The following ZNF292 variants were observed in gnomAD, a reference collection of about 807,000 sequenced individuals.
ZNF292 encodes zinc finger protein 292.
ZNF292 carries 26 observed loss-of-function variants against 217.9 expected under a neutral mutation model. That is an observed-to-expected ratio of 0.12 (90% CI 0.09 to 0.17). The LOEUF (loss-of-function observed/expected upper bound fraction) is 0.17, where lower values mean the gene tolerates loss of function less well. Among genes scored for constraint, ZNF292 ranks in the 10% least tolerant of loss-of-function variants. The pLI is 1.00. For synonymous variants in ZNF292, 1,257 were observed against 1,124.1 expected (o/e 1.12, Z -2.37); for missense variants, 2,904 against 3,175.2 (o/e 0.91, Z 2.05).
intron 1 of ZNF292, among the ~76,000 whole-genome samples, chr6:87,177,796 G>C (rs1771350257): frequency 6.6e-6 from 1 of 152,138 alleles, no homozygotes; most frequent in African/African-American, 2.4e-5. Context: ...ATTAAATGAG[G>C]CATCAGTACA....
At position 87,259,419 on chromosome 6, in the gene ZNF292, T is replaced by A. The variant is rs766810541; in HGVS notation, c.5790T>A (p.Thr1930=). The A allele has an allele frequency of 1.2e-6, 2 of 1,601,116 alleles. No individual in the cohort carries two copies. Among genetic ancestry groups the A allele is most frequent in the Non-Finnish European group, 1.7e-6 (2 of 1,172,948 alleles). ...ACTATGGTAAAATTCATCAATACAC[T>A]CCAGAAATGATTCTTGAAATTAAGA... ...FKHYGKIHQY[T]PEMILEIKKN... Residue 1930 remains threonine (T), a synonymous_variant, in exon 8 of 8, where the codon ACT becomes ACA. Transcript: ENST00000369577.
intron 1 of ZNF292, among the ~76,000 whole-genome samples, chr6:87,171,203 A>AT (rs1263856292): frequency 1.3e-5 from 2 of 152,172 alleles, no homozygotes; most frequent in African/African-American, 4.8e-5. Flanking sequence ...ATGGGAGTGA[A>AT]TGTGCCAGGA....
Position 87,256,534 on chromosome 6 carries a change from G to C in ZNF292, c.2905G>C (p.Asp969His). The change falls in exon 8 of 8, where the codon GAC becomes CAC. Residue 969 changes from aspartate to histidine, a missense_variant. This residue lies in a region of ZNF292 where 687 missense variants were observed against 623.0 expected (regional missense o/e 1.10). Transcript: ENST00000369577. ...AGGCAGTGGTGAAGCACTGGTCACA[G>C]ACTTACATACGCCAGTTGAAGATAC... is the stretch of plus-strand genomic sequence containing the variant. ...VEGSGEALVT[D>H]LHTPVEDTCN... The C allele has an allele frequency of 6.2e-7, 1 of 1,613,262 alleles. No individual in the cohort carries two copies. Among genetic ancestry groups the C allele is most frequent in the South Asian group, 1.1e-5 (1 of 91,082 alleles).
chr6:87,169,499 C>G (rs9351117), intron 1 of ZNF292, among the ~76,000 whole-genome samples: 95,882 of 152,002 alleles, frequency 0.63, 31,824 homozygotes, highest in African/African-American at 0.85. Flanking sequence ...TCAGCTATTT[C>G]ATATAAATAA....
Position 87,218,666 on chromosome 6 carries a change from C to G in ZNF292, c.473C>G (p.Thr158Ser). The G allele has an allele frequency of 1.3e-6, 2 of 1,593,110 alleles. No homozygotes were observed. Among genetic ancestry groups the G allele is most frequent in the Non-Finnish European group, 1.7e-6 (2 of 1,169,660 alleles). ...LHFLATLAQE[T>S]GVWKNPVLCT... The stretch of plus-strand genomic sequence containing the variant: ...TTTTTAGCTACTCTAGCTCAAGAGA[C>G]TGGGGTGTGGAAAAACCCGGTACTG... Residue 158 changes from threonine to serine, a missense_variant, in exon 4 of 8, where the codon ACT becomes AGT. Thr to Ser is a moderately conservative substitution (Grantham distance 58). Transcript: ENST00000369577.
intron 1 of ZNF292, among the ~76,000 whole-genome samples, chr6:87,191,306 A>T (rs1028678784): frequency 1.3e-5 from 2 of 152,184 alleles, no homozygotes; most frequent in Non-Finnish European, 2.9e-5. Flanking sequence ...AATCACAAAA[A>T]ACTCATAATT....
rs554876003 is a variant in ZNF292, at chr6:87,265,729, A to C, written c.*3928A>C. The stretch of plus-strand genomic sequence containing the variant: ...GATCTCAAATGGCATTTATTCAACC[A>C]GGACTGATAATCAACGTGTACACCA... On this transcript the variant is annotated 3_prime_UTR_variant, in exon 8 of 8. Transcript: ENST00000369577. 1.3e-5 allele frequency among the ~76,000 whole-genome samples: 2 copies of C among 152,336 alleles called. No individual in the cohort carries two copies. The highest frequency in any genetic ancestry group is 3.9e-4 in the East Asian group (2 of 5,190).
At chr6:87,220,568 A>T (rs573183257) in intron 4 of ZNF292, among the ~76,000 whole-genome samples, 1 of 152,342 alleles carries the variant, frequency 6.6e-6, no homozygotes, top group South Asian at 2.1e-4. Flanking sequence ...TAAATAAAGG[A>T]GTAACTCCTT....
At chr6:87,215,734 A>G (rs1169531748) in intron 1 of ZNF292, among the ~76,000 whole-genome samples, 169 bp from the exon 2 acceptor site, 1 of 152,182 alleles carries the variant, frequency 6.6e-6, no homozygotes, top group Non-Finnish European at 1.5e-5. Context: ...GCTGCCAAAA[A>G]TATGACTATG....
rs746536686 is a variant in ZNF292 at position 87,257,724 on chromosome 6, A to G, written c.4095A>G (p.Lys1365=). The change falls in exon 8 of 8, where the codon AAA becomes AAG. Residue 1365 remains lysine, a synonymous_variant. Coordinates refer to ENST00000369577, the MANE Select transcript of ZNF292 (RefSeq NM_015021.3). ...ERKPKHNKRA[K]WPAIIRDGKF... ...AACCTAAGCACAACAAAAGGGCTAA[A>G]TGGCCTGCAATTATCAGAGATGGGA... 3 of 1,613,610 alleles carry G rather than the reference A, an allele frequency of 1.9e-6. No homozygotes were observed. The highest frequency in any genetic ancestry group is 2.5e-6 in the Non-Finnish European group (3 of 1,179,714).
intron 5 of ZNF292, among the ~76,000 whole-genome samples, chr6:87,241,978 T>C (rs1403875163): frequency 6.6e-6 from 1 of 152,226 alleles, no homozygotes; most frequent in East Asian, 1.9e-4. Context: ...CAACTTAGGA[T>C]GGGCGTGTTG....
chr6:87,243,120 T>A (rs1410283378), intron 5 of ZNF292, among the ~76,000 whole-genome samples: 1 of 152,124 alleles, frequency 6.6e-6, no homozygotes, highest in Non-Finnish European at 1.5e-5. Flanking sequence ...GTACTGCATT[T>A]TTTTTTCATG....
intron 4 of ZNF292, among the ~76,000 whole-genome samples, chr6:87,228,514 T>C (rs73483799): frequency 0.082 from 12,423 of 152,164 alleles, 858 homozygotes; most frequent in African/African-American, 0.19. Context: ...CAGTCTATTG[T>C]CATAAAGCTT....
At position 87,258,206 on chromosome 6, in the gene ZNF292, C is replaced by T. The variant is rs200259538; in HGVS notation, c.4577C>T (p.Thr1526Met). Residue 1526 changes from threonine to methionine, a missense_variant, in exon 8 of 8, where the codon ACG (threonine) becomes ATG (methionine). Transcript: ENST00000369577. ...TCTGATGCATCACAAGTAAATGCAA[C>T]GGTGATGCCAAATCCAACTGTACCA... ...CVSDASQVNA[T>M]VMPNPTVPPL... is the part of the protein sequence containing the mutation. 650 of 1,611,520 alleles carry T rather than the reference C, an allele frequency of 4.0e-4. No homozygotes were observed. Among genetic ancestry groups the T allele is most frequent in the Non-Finnish European group, 5.0e-4 (584 of 1,179,020 alleles).
chr6:87,259,438 A>G lies in ZNF292; in HGVS notation c.5809A>G (p.Ile1937Val). The G allele has an allele frequency of 6.3e-7, 1 of 1,593,530 alleles. No individual in the cohort carries two copies. The highest frequency in any genetic ancestry group is 8.6e-7 in the Non-Finnish European group (1 of 1,168,676). Reference sequence around the variant, plus strand: ...ATACACTCCAGAAATGATTCTTGAAATTAAGAAGAATCAATTGAAATTTGC... The same window carrying G: ...ATACACTCCAGAAATGATTCTTGAAGTTAAGAAGAATCAATTGAAATTTGC... ...HQYTPEMILE[I>V]KKNQLKFAPF... The change falls in exon 8 of 8, where the codon ATT becomes GTT. Residue 1937 changes from isoleucine to valine, a missense_variant. This residue lies in a region of ZNF292 where 50 missense variants were observed against 90.5 expected (regional missense o/e 0.55). Transcript: ENST00000369577.
At chr6:87,165,400 G>GT (rs1332760139) in intron 1 of ZNF292, among the ~76,000 whole-genome samples, 1 of 152,082 alleles carries the variant, frequency 6.6e-6, no homozygotes, top group Admixed American at 6.5e-5. Flanking sequence ...AACACTTCTG[G>GT]TCCCAAGCAT....
Position 87,243,463 on chromosome 6 carries a change from CT to C in ZNF292, c.742-7del. 2 of 1,536,308 alleles carry C rather than the reference CT, an allele frequency of 1.3e-6. No homozygotes were observed. Among genetic ancestry groups the C allele is most frequent in the Admixed American group, 2.1e-5 (1 of 46,666 alleles). ...CCATTTTGTGGCATATTTCTATTGG[CT>C]TTTTCTTTAGATTTCAGAAGTTGAT... On this transcript the variant is annotated splice_polypyrimidine_tract_variant and intron_variant, in intron 5 of 7. Transcript: ENST00000369577.
Position 87,255,804 on chromosome 6 carries a change from G to A in ZNF292, c.2175G>A (p.Gln725=), listed in dbSNP as rs199650035. The A allele has an allele frequency of 2.0e-4, 317 of 1,613,712 alleles. No individual in the cohort carries two copies. The highest frequency in any genetic ancestry group is 2.1e-4 in the Non-Finnish European group (242 of 1,179,858). The part of the protein sequence containing the change: ...LEMQSKKVIC[Q]YCRRHFVSVT... ...TGCAGAGCAAAAAAGTTATTTGCCA[G>A]TACTGTAGGCGGCATTTTGTGAGTG... Residue 725 remains glutamine (Q), a synonymous_variant, in exon 8 of 8, where the codon CAG becomes CAA. Coordinates refer to ENST00000369577, the MANE Select transcript of ZNF292 (RefSeq NM_015021.3).
intron 1 of ZNF292, among the ~76,000 whole-genome samples, chr6:87,164,868 G>A (rs962902573): frequency 6.7e-6 from 1 of 149,632 alleles, no homozygotes; most frequent in African/African-American, 2.5e-5. Context: ...GTTCAAGCGA[G>A]TCTTCTGCCT....
Sources: allele counts gnomAD v4.1 joint callset (sites outside exome capture counted in the v4.1 genomes callset), GRCh38; gene constraint gnomAD v4.1.1; regional missense constraint gnomAD v4.1.1; transcripts MANE v1.5; gene names NCBI Gene and HGNC (gene_info 2026-07-23, HGNC 2026-07-21).